RBFOX1: variants seen among roughly 807,000 people sequenced by gnomAD.
RBFOX1 encodes the protein RNA binding protein fox-1 homolog 1.
A neutral mutation model predicts 57.7 loss-of-function variants in RBFOX1; 8 were observed. The ratio of observed to expected loss-of-function variants is 0.14; its 90% CI spans 0.08 to 0.25. The LOEUF (loss-of-function observed/expected upper bound fraction) is 0.25, where lower values mean the gene tolerates loss of function less well. Among genes scored for constraint, RBFOX1 ranks in the 10% least tolerant of loss-of-function variants. The pLI, the probability that RBFOX1 is intolerant of heterozygous loss-of-function variation, is 1.00. For missense variants in RBFOX1, 611 were observed against 548.5 expected (o/e 1.11, Z -1.14); for synonymous variants, 326 against 222.4 (o/e 1.47, Z -4.15).
chr16:6,419,921 C>T (rs144886774), intron 2 of RBFOX1, among the ~76,000 whole-genome samples: 12 of 152,230 alleles, frequency 7.9e-5, no homozygotes, highest in African/African-American at 2.2e-4. Flanking sequence ...GTTTAATGCA[C>T]GGAGAGTCAA....
At chr16:7,294,572 T>A (rs1853516653) in intron 4 of RBFOX1, among the ~76,000 whole-genome samples, 2 of 151,546 alleles carry the variant, frequency 1.3e-5, no homozygotes, top group African/African-American at 4.8e-5. Flanking sequence ...TTGAAAAGCT[T>A]AGGGCAAGCT....
Position 5,549,662 on chromosome 16 carries a change from A to T in RBFOX1, c.259-49240A>T, listed in dbSNP as rs137923042. Among the ~76,000 whole-genome samples the T allele has an allele frequency of 5.3e-5, 8 of 152,322 alleles. No individual in the cohort carries two copies. In the South Asian group the frequency reaches 1.5e-3, roughly 28 times the overall value. On this transcript the variant is annotated intron_variant, in intron 2 of 2. Coordinates refer to the RBFOX1 transcript ENST00000585867. The stretch of plus-strand genomic sequence containing the variant: ...AGCATTCAAAAACTTCATCAGTGAG[A>T]TGTTTAAAAAGGGTAGAAACCTAAT...
chr16:6,973,411 C>T (rs1004942922), intron 3 of RBFOX1, among the ~76,000 whole-genome samples: 1 of 152,234 alleles, frequency 6.6e-6, no homozygotes, highest in Admixed American at 6.5e-5. Context: ...ATCAGTCAAT[C>T]AGGAAGCATT....
chr16:7,658,400 G>C (rs1435789459), intron 12 of RBFOX1, among the ~76,000 whole-genome samples: 1 of 152,132 alleles, frequency 6.6e-6, no homozygotes, highest in African/African-American at 2.4e-5. Flanking sequence ...TCACAGAGCA[G>C]AGTAGAGTTT....
chr16:6,797,768 G>C (rs1276896015), intron 3 of RBFOX1, among the ~76,000 whole-genome samples: 2 of 152,104 alleles, frequency 1.3e-5, no homozygotes, highest in African/African-American at 4.8e-5. Flanking sequence ...CTGGTTTTAT[G>C]ATGTTTAAAA....
intron 1 of RBFOX1, among the ~76,000 whole-genome samples, chr16:6,230,842 A>T (rs2097453830): frequency 6.6e-6 from 1 of 152,208 alleles, no homozygotes; most frequent in Non-Finnish European, 1.5e-5. Flanking sequence ...AAAGAAACAT[A>T]TACATAAACT....
intron 2 of RBFOX1, among the ~76,000 whole-genome samples, chr16:6,402,348 G>C (rs1418586983): frequency 6.6e-6 from 1 of 152,154 alleles, no homozygotes. Flanking sequence ...AGGAGGATAA[G>C]AGAAAATAAA....
At chr16:6,277,886 G>C (rs1169098676) in intron 1 of RBFOX1, among the ~76,000 whole-genome samples, 4 of 152,014 alleles carry the variant, frequency 2.6e-5, no homozygotes, top group African/African-American at 9.7e-5. Context: ...ATTCTGTAAA[G>C]CCCTTGAAGA....
chr16:5,622,029 G>C (rs1057061413), intron 3 of RBFOX1, among the ~76,000 whole-genome samples: 11 of 152,160 alleles, frequency 7.2e-5, no homozygotes, highest in African/African-American at 2.4e-4. Context: ...TGGGGAAATG[G>C]AATTATCTGG....
At chr16:6,236,473 C>A (rs1300859189) in intron 1 of RBFOX1, among the ~76,000 whole-genome samples, 1 of 150,654 alleles carries the variant, frequency 6.6e-6, no homozygotes, top group Non-Finnish European at 1.5e-5. Flanking sequence ...CTCACTCTGT[C>A]CCTCAGGCTG....
chr16:5,837,078 G>A (rs2056480464), intron 3 of RBFOX1, among the ~76,000 whole-genome samples: 1 of 152,020 alleles, frequency 6.6e-6, no homozygotes, highest in Non-Finnish European at 1.5e-5. Context: ...TCCCTTCTTA[G>A]GGGACACTCA....
chr16:6,559,218 C>T (rs1599819261), intron 2 of RBFOX1, among the ~76,000 whole-genome samples: 1 of 151,900 alleles, frequency 6.6e-6, no homozygotes, highest in Non-Finnish European at 1.5e-5. Context: ...CATGTCATGT[C>T]AATGTCTAGA....
chr16:5,873,462 C>T (rs1259158370), intron 4 of RBFOX1, among the ~76,000 whole-genome samples: 1 of 152,178 alleles, frequency 6.6e-6, no homozygotes, highest in Admixed American at 6.5e-5. Context: ...AAGCCAGCAC[C>T]AAAGAATATT....
intron 3 of RBFOX1, among the ~76,000 whole-genome samples, chr16:5,839,688 C>G (rs1490634770): frequency 6.6e-6 from 1 of 151,950 alleles, no homozygotes; most frequent in Non-Finnish European, 1.5e-5. Context: ...CTTCACCATC[C>G]TCATCCACAT....
chr16:6,383,802 CA>C (rs1161808428), intron 2 of RBFOX1, among the ~76,000 whole-genome samples: 1 of 151,730 alleles, frequency 6.6e-6, no homozygotes, highest in Non-Finnish European at 1.5e-5. Flanking sequence ...AACAGCACAA[CA>C]AACAAGAAGA....
chr16:6,774,049 C>T (rs1412838211), intron 3 of RBFOX1: 6 of 950,438 alleles, frequency 6.3e-6, no homozygotes, highest in Non-Finnish European at 7.5e-6. Context: ...TGTAAATGCT[C>T]ATTGGCTTTC....
intron 3 of RBFOX1, among the ~76,000 whole-genome samples, chr16:6,742,516 A>AC (rs2072490198): frequency 6.6e-6 from 1 of 152,154 alleles, no homozygotes; most frequent in African/African-American, 2.4e-5. Flanking sequence ...TCCACGAAAA[A>AC]CCCCAGAAAG....
chr16:7,570,167 T>G (rs903161022), intron 5 of RBFOX1, among the ~76,000 whole-genome samples: 7 of 147,354 alleles, frequency 4.8e-5, no homozygotes, highest in African/African-American at 1.8e-4. Context: ...ATTTTACTTT[T>G]TTTTTTTTTT....
At chr16:6,075,124 A>T (rs1039871571) in intron 1 of RBFOX1, among the ~76,000 whole-genome samples, 2 of 152,176 alleles carry the variant, frequency 1.3e-5, no homozygotes, top group African/African-American at 4.8e-5. Flanking sequence ...CATTTATCAC[A>T]TGCAGGGAAT....
Sources: gnomAD v4.1 joint callset for allele counts (sites outside exome capture counted in the v4.1 genomes callset) on GRCh38, gnomAD v4.1.1 for gene constraint, MANE v1.5 for transcripts, NCBI Gene and HGNC (gene_info 2026-07-23, HGNC 2026-07-21) for gene names.